RNF216: variants seen among roughly 807,000 people sequenced by gnomAD.
RNF216 encodes ring finger protein 216, also known as E3 ubiquitin-protein ligase RNF216.
In RNF216, 72 loss-of-function variants were observed where a neutral mutation model predicts 110.8. The ratio of observed to expected loss-of-function variants is 0.65; its 90% CI spans 0.54 to 0.79. RNF216 has a LOEUF of 0.79. Ranked by LOEUF, RNF216 falls within the 30% of genes least tolerant of loss-of-function variation. The pLI is 0.00. For missense variants in RNF216, 1,342 were observed against 1,141.2 expected (o/e 1.18, Z -2.54); for synonymous variants, 495 against 407.5 (o/e 1.21, Z -2.59).
At chr7:5,705,423 T>C (rs1371067939) in intron 13 of RNF216, among the ~76,000 whole-genome samples, 1 of 152,176 alleles carries the variant, frequency 6.6e-6, no homozygotes, top group African/African-American at 2.4e-5. Context: ...TCTAATCCTC[T>C]ACCTCTCAAA....
At chr7:5,725,589 GC>G (rs1336576420) in intron 7 of RNF216, 151 bp from the exon 8 acceptor site, 2 of 614,782 alleles carry the variant, frequency 3.3e-6, no homozygotes, top group Non-Finnish European at 5.8e-6. Flanking sequence ...GGTGGCTGAC[GC>G]CTGTAATCCC....
intron 13 of RNF216, among the ~76,000 whole-genome samples, chr7:5,669,090 C>A (rs1789727855): frequency 6.6e-6 from 1 of 152,156 alleles, no homozygotes; most frequent in Admixed American, 6.6e-5. Context: ...CAGATGGCCC[C>A]CCTTGGTGGA....
intron 14 of RNF216, among the ~76,000 whole-genome samples, chr7:5,651,081 TATAAC>T (rs1383204512): frequency 1.3e-5 from 2 of 152,236 alleles, no homozygotes; most frequent in Non-Finnish European, 2.9e-5. Flanking sequence ...CTGTATCACT[TATAAC>T]ATAAAGAAAA....
intron 15 of RNF216, among the ~76,000 whole-genome samples, chr7:5,633,403 C>T (rs1339090140): frequency 6.6e-6 from 1 of 151,950 alleles, no homozygotes; most frequent in Non-Finnish European, 1.5e-5. Flanking sequence ...CGGTGAAACC[C>T]CGTCTCTACT....
At chr7:5,711,005 C>T (rs2128628750) in intron 13 of RNF216, among the ~76,000 whole-genome samples, 1 of 152,292 alleles carries the variant, frequency 6.6e-6, no homozygotes, top group East Asian at 1.9e-4. Flanking sequence ...TTAGTTTATT[C>T]TTCCTTTTCT....
intron 15 of RNF216, among the ~76,000 whole-genome samples, chr7:5,628,082 G>T (rs964588617): frequency 6.6e-6 from 1 of 152,132 alleles, no homozygotes; most frequent in Non-Finnish European, 1.5e-5. Flanking sequence ...GTTCTTCCTG[G>T]AGAGGAAGAG....
chr7:5,769,402 C>T (rs1024592347), intron 1 of RNF216, among the ~76,000 whole-genome samples: 2 of 151,904 alleles, frequency 1.3e-5, no homozygotes, highest in Admixed American at 1.3e-4. Flanking sequence ...AGGCGTGAGC[C>T]ACCGCGCCTG....
chr7:5,646,186 T>C (rs1229101200), intron 14 of RNF216, among the ~76,000 whole-genome samples: 1 of 152,170 alleles, frequency 6.6e-6, no homozygotes, highest in African/African-American at 2.4e-5. Context: ...TGGTTTGAGA[T>C]TGTTTAGTGA....
At chr7:5,669,347 C>A (rs974105660) in intron 13 of RNF216, among the ~76,000 whole-genome samples, 1 of 152,196 alleles carries the variant, frequency 6.6e-6, no homozygotes, top group African/African-American at 2.4e-5. Context: ...GAAGACCAAT[C>A]TTTGCCACTG....
chr7:5,656,494 C>A (rs852519), intron 13 of RNF216, among the ~76,000 whole-genome samples: 2 of 151,920 alleles, frequency 1.3e-5, no homozygotes, highest in Non-Finnish European at 2.9e-5. Flanking sequence ...GCCTTTCCGA[C>A]TGGGGGAAAC....
At chr7:5,647,335 T>C (rs868477181) in intron 14 of RNF216, among the ~76,000 whole-genome samples, 3,772 of 144,124 alleles carry the variant, frequency 0.026, 64 homozygotes, top group African/African-American at 0.05. Flanking sequence ...TTTCTTTTTT[T>C]TTTTTTTTTT....
In RNF216 at chr7:5,752,716, G is replaced by A. The variant is rs1795396061; in HGVS notation, c.201+130C>T. 12 of 810,926 alleles carry A rather than the reference G, an allele frequency of 1.5e-5. No individual in the cohort carries two copies. The South Asian group carries it at 2.2e-4, about 15-fold the overall frequency. The allele number at this position is 810,926 out of a possible 1,614,324, so 50.2% of individuals were successfully genotyped here. A position where few individuals can be genotyped will look rare whatever the true frequency, so the allele number is the denominator to read the frequency against. On this transcript the variant is annotated intron_variant, in intron 3 of 16. Coordinates refer to ENST00000389902, the MANE Select transcript of RNF216 (RefSeq NM_207111.4). ...TCTAAATCTAAGAGTACACGAGGTA[G>A]AATGGAAAAGGGGCTGTTCTCAGAA...
intron 1 of RNF216, among the ~76,000 whole-genome samples, chr7:5,771,422 G>C (rs1796488309): frequency 6.6e-6 from 1 of 152,094 alleles, no homozygotes; most frequent in Non-Finnish European, 1.5e-5. Flanking sequence ...AATTAAGCAT[G>C]TCTACTCACC....
chr7:5,627,698 G>A lies in RNF216; in HGVS notation c.2383-3573C>T, dbSNP rs563597084. On this transcript the variant is annotated intron_variant, in intron 15 of 16. Transcript: ENST00000389902. ...GGAGGTGGAGGTTGCAGTGAGCCGA[G>A]ATCGCGCCACTGCACTCCAGCCTGG... Among the ~76,000 whole-genome samples, 15 of 151,492 alleles carry A rather than the reference G, an allele frequency of 9.9e-5. No homozygotes were observed. The East Asian group carries it at 2.9e-3, about 29-fold the overall frequency.
At chr7:5,687,574 T>C (rs1052767771) in intron 13 of RNF216, among the ~76,000 whole-genome samples, 19 of 152,224 alleles carry the variant, frequency 1.2e-4, no homozygotes, top group Admixed American at 9.8e-4. Context: ...TTTCTTCTAG[T>C]TCTAAAAGGC....
At chr7:5,768,010 G>A (rs1051626724) in intron 1 of RNF216, among the ~76,000 whole-genome samples, 5 of 152,082 alleles carry the variant, frequency 3.3e-5, no homozygotes, top group Non-Finnish European at 7.4e-5. Flanking sequence ...AGAGCAAAAT[G>A]AAAACAGACT....
At chr7:5,670,195 A>C (rs561113771) in intron 13 of RNF216, among the ~76,000 whole-genome samples, 1 of 152,164 alleles carries the variant, frequency 6.6e-6, no homozygotes, top group African/African-American at 2.4e-5. Context: ...CGGCCTCCCA[A>C]AGTGCTGGAA....
chr7:5,732,694 T>C (rs1449122655), intron 5 of RNF216, among the ~76,000 whole-genome samples: 2 of 152,240 alleles, frequency 1.3e-5, no homozygotes, highest in Non-Finnish European at 2.9e-5. Context: ...AAAGTTTTTC[T>C]TCTACAGAAA....
At chr7:5,776,502 G>A (rs1352453877) in intron 1 of RNF216, among the ~76,000 whole-genome samples, 5 of 150,664 alleles carry the variant, frequency 3.3e-5, no homozygotes, top group Admixed American at 3.3e-4. Flanking sequence ...GGCTGAGGCA[G>A]GAGAATGGCG....
Sources: gnomAD v4.1 joint callset for allele counts (sites outside exome capture counted in the v4.1 genomes callset) on GRCh38, gnomAD v4.1.1 for gene constraint, MANE v1.5 for transcripts, NCBI Gene and HGNC (gene_info 2026-07-23, HGNC 2026-07-21) for gene names.